NRG1: variants seen among roughly 807,000 people sequenced by gnomAD.
The protein encoded by NRG1 is pro-neuregulin-1, membrane-bound isoform.
NRG1 carries 18 observed loss-of-function variants against 63.8 expected under a neutral mutation model. The ratio of observed to expected loss-of-function variants is 0.28; its 90% confidence interval spans 0.19 to 0.42. The LOEUF (loss-of-function observed/expected upper bound fraction) is 0.42. NRG1 is among the 10% of genes least tolerant of loss of function. NRG1 has a pLI of 1.00. For missense variants in NRG1, 762 were observed against 814.7 expected, an observed-to-expected ratio of 0.94 and a Z score of 0.79; for synonymous variants, 302 against 301.3, an observed-to-expected ratio of 1.00 and a Z score of -0.02.
chr8:32,421,614 G>A (rs530244903), intron 1 of NRG1, among the ~76,000 whole-genome samples: 5 of 152,310 alleles, frequency 3.3e-5, no homozygotes. Context: ...TTAGAGCCAA[G>A]TTATTGATTC....
rs545405059 is a variant in NRG1, at chr8:31,788,372, C to T, written c.37+148941C>T. On this transcript the variant is annotated intron_variant, in intron 1 of 10. Transcript: ENST00000519301. ...TAAAACTTTCCCCATGGTATTATTT[C>T]ATTATTATTTTAAATGGCTACATTA... Among the ~76,000 whole-genome samples the T allele has an allele frequency of 1.7e-3, 257 of 152,004 alleles. 3 individuals carry two copies. The highest frequency in any genetic ancestry group is 5.7e-3 in the African/African-American group (236 of 41,472).
intron 1 of NRG1, among the ~76,000 whole-genome samples, chr8:32,033,239 C>T (rs1045218196): frequency 5.3e-5 from 8 of 151,886 alleles, no homozygotes; most frequent in African/African-American, 9.7e-5. Flanking sequence ...GGACTACAGG[C>T]ACCCACCACC....
intron 1 of NRG1, among the ~76,000 whole-genome samples, chr8:32,240,405 G>C (rs1240800458): frequency 1.1e-4 from 16 of 152,286 alleles, no homozygotes; most frequent in Non-Finnish European, 2.9e-5. Context: ...TCAGAGAGTA[G>C]AGGAGGGAGG....
At chr8:31,723,273 C>G (rs1215838050) in intron 1 of NRG1, among the ~76,000 whole-genome samples, 1 of 152,098 alleles carries the variant, frequency 6.6e-6, no homozygotes, top group East Asian at 1.9e-4. Flanking sequence ...CTGTGTTAAC[C>G]AGGGGTAGGT....
chr8:32,105,823 T>A lies in NRG1; in HGVS notation c.37+466392T>A, dbSNP rs1171969749. 2.0e-5 allele frequency among the ~76,000 whole-genome samples: 3 copies of A among 152,246 alleles called. No homozygotes were observed. The East Asian group carries it at 5.8e-4, about 29-fold the overall frequency. The stretch of plus-strand genomic sequence containing the variant: ...ATAAATGTATTATCATTAATAATAA[T>A]TTATTTAAAAAAGTGATGGGATATC... On this transcript the variant is annotated intron_variant, in intron 1 of 10. Coordinates refer to the NRG1 transcript ENST00000519301.
At chr8:32,713,932 C>G (rs181853551) in intron 5 of NRG1, among the ~76,000 whole-genome samples, 7 of 151,822 alleles carry the variant, frequency 4.6e-5, no homozygotes, top group Middle Eastern at 3.4e-3. Flanking sequence ...TCAAGCAATT[C>G]TCCTGCCTCA....
At chr8:32,574,819 G>A (rs1255368507) in intron 1 of NRG1, among the ~76,000 whole-genome samples, 1 of 152,158 alleles carries the variant, frequency 6.6e-6, no homozygotes, top group Non-Finnish European at 1.5e-5. Context: ...ATGCAAGAAT[G>A]GCCTAACACA....
At chr8:32,740,190 CT>C (rs35219061) in intron 6 of NRG1, among the ~76,000 whole-genome samples, 69 of 92,514 alleles carry the variant, frequency 7.5e-4, no homozygotes, top group Middle Eastern at 8.1e-3. Context: ...GACCCAACCT[CT>C]TTTTTTTTTT....
At chr8:32,156,370 C>A (rs977635942) in intron 1 of NRG1, among the ~76,000 whole-genome samples, 8 of 152,210 alleles carry the variant, frequency 5.3e-5, no homozygotes, top group South Asian at 2.1e-4. Flanking sequence ...TGTTATTATA[C>A]TTATCAGAGT....
intron 1 of NRG1, among the ~76,000 whole-genome samples, chr8:32,396,983 C>T (rs576939787): frequency 4.6e-5 from 7 of 152,224 alleles, no homozygotes; most frequent in South Asian, 4.2e-4. Context: ...TTCCCAATTC[C>T]GAAGCCATTT....
chr8:31,855,523 G>C (rs1007849231), intron 1 of NRG1, among the ~76,000 whole-genome samples: 3 of 152,074 alleles, frequency 2.0e-5, no homozygotes, highest in African/African-American at 7.2e-5. Context: ...CGTGAGATGG[G>C]TTTCCTGAAT....
chr8:32,523,636 G>A (rs566872703), intron 1 of NRG1, among the ~76,000 whole-genome samples: 1 of 152,020 alleles, frequency 6.6e-6, no homozygotes, highest in African/African-American at 2.4e-5. Context: ...GATTGCTTGA[G>A]GTCAGGAGTT....
intron 1 of NRG1, among the ~76,000 whole-genome samples, chr8:31,846,566 A>G (rs1826707391): frequency 6.6e-6 from 1 of 152,226 alleles, no homozygotes; most frequent in Admixed American, 6.5e-5. Flanking sequence ...AATAACTTGG[A>G]TGCCAGTTTT....
chr8:32,446,719 C>A (rs1820295211), intron 1 of NRG1, among the ~76,000 whole-genome samples: 1 of 151,566 alleles, frequency 6.6e-6, no homozygotes, highest in African/African-American at 2.4e-5. Context: ...TTGGCAGCAG[C>A]AATGCAGATC....
rs575703382 is a variant in NRG1, at chr8:31,857,619, G to A, written c.37+218188G>A. Among the ~76,000 whole-genome samples the A allele has an allele frequency of 1.1e-4, 16 of 152,236 alleles. No individual in the cohort carries two copies. In the South Asian group the frequency reaches 3.1e-3, roughly 30 times the overall value. ...CTGTAGACCAGAGCTGTTCCTATTC[G>A]GCCATCTTGGCTTCAAGAGCGGGAA... On this transcript the variant is annotated intron_variant, in intron 1 of 10. Coordinates refer to the NRG1 transcript ENST00000519301.
chr8:32,572,064 A>T (rs73234163), intron 1 of NRG1, among the ~76,000 whole-genome samples: 9,293 of 152,162 alleles, frequency 0.061, 350 homozygotes, highest in Middle Eastern at 0.11. Context: ...CACATTTTAA[A>T]ATCTGCCTGT....
intron 1 of NRG1, among the ~76,000 whole-genome samples, chr8:32,028,226 G>T (rs182902405): frequency 3.4e-4 from 52 of 152,110 alleles, no homozygotes; most frequent in African/African-American, 1.2e-3. Context: ...CGTTTTTTTG[G>T]CCTCACTATT....
At chr8:32,574,499 G>A (rs1403287166) in intron 1 of NRG1, among the ~76,000 whole-genome samples, 1 of 152,104 alleles carries the variant, frequency 6.6e-6, no homozygotes, top group Non-Finnish European at 1.5e-5. Flanking sequence ...GAGGTGACTG[G>A]ATCATGGGGG....
chr8:32,665,178 T>C (rs1363410846), intron 5 of NRG1, among the ~76,000 whole-genome samples: 1 of 152,198 alleles, frequency 6.6e-6, no homozygotes, highest in Non-Finnish European at 1.5e-5. Flanking sequence ...TATTTCTGTA[T>C]GGAAATTACA....
Sources: allele counts gnomAD v4.1 joint callset (sites outside exome capture counted in the v4.1 genomes callset), GRCh38; gene constraint gnomAD v4.1.1; transcripts MANE v1.5; gene names NCBI Gene and HGNC (gene_info 2026-07-23, HGNC 2026-07-21).